The following COLQ variants were observed in gnomAD, a reference collection of about 807,000 sequenced individuals.
COLQ encodes the protein acetylcholinesterase collagenic tail peptide.
In COLQ, 48 loss-of-function variants were observed where a neutral mutation model predicts 69.0. The ratio of observed to expected loss-of-function variants is 0.70; its 90% CI spans 0.55 to 0.88. The LOEUF is 0.88. COLQ is among the 40% of genes least tolerant of loss of function. COLQ has a pLI of 0.00. For synonymous variants in COLQ, 217 were observed against 211.2 expected (o/e 1.03, Z -0.24); for missense variants, 618 against 594.6 (o/e 1.04, Z -0.41).
chr3:15,495,325 T>C (rs958768467), intron 1 of COLQ, among the ~76,000 whole-genome samples: 19 of 152,088 alleles, frequency 1.2e-4, no homozygotes, highest in African/African-American at 4.1e-4. Flanking sequence ...TGCTAAGTGA[T>C]GGAGGGGAGA....
In COLQ at chr3:15,521,633, A is replaced by T; in HGVS notation, c.-8T>A. 6.2e-7 allele frequency: 1 copy of T among 1,614,144 alleles called. No homozygotes were observed. The highest frequency in any genetic ancestry group is 8.5e-7 in the Non-Finnish European group (1 of 1,180,032). ...TGGATTCAGGACAACCATGCTGGCC[A>T]GGGTCTGGCGAGGGTCAAGTTAGAA... On this transcript the variant is annotated 5_prime_UTR_variant, in exon 1 of 17. Coordinates refer to ENST00000383788, the MANE Select transcript of COLQ (RefSeq NM_005677.4).
intron 3 of COLQ, among the ~76,000 whole-genome samples, chr3:15,482,289 G>C (rs561951764): frequency 5.9e-5 from 9 of 152,288 alleles, no homozygotes; most frequent in East Asian, 1.9e-4. Flanking sequence ...TCTTGTGCCA[G>C]TTTTCAAAGG....
chr3:15,494,084 C>T (rs2062710613), intron 1 of COLQ, among the ~76,000 whole-genome samples: 2 of 152,214 alleles, frequency 1.3e-5, no homozygotes, highest in Admixed American at 1.3e-4. Flanking sequence ...GGAATAGTGA[C>T]TGTTGGGGTC....
rs10589288 is a variant in COLQ, at chr3:15,452,068, ATTTT to A, written c.1299-359_1299-356del. ...GTAGTTACTGTGACTGAATAACTGC[ATTTT>A]TTTTTTTTTTTTGAGACAGAGTTTC... On this transcript the variant is annotated intron_variant, in intron 16 of 16. Coordinates refer to ENST00000383788, the MANE Select transcript of COLQ (RefSeq NM_005677.4). 9.1e-5 allele frequency among the ~76,000 whole-genome samples: 13 copies of A among 143,080 alleles called. 1 individual carries two copies. The highest frequency in any genetic ancestry group is 2.1e-4 in the East Asian group (1 of 4,824). 93.9% of individuals were successfully genotyped at this position (143,080 alleles called of 152,430 possible).
chr3:15,492,238 A>T (rs1035485210), intron 1 of COLQ, among the ~76,000 whole-genome samples: 1 of 152,190 alleles, frequency 6.6e-6, no homozygotes, highest in Non-Finnish European at 1.5e-5. Context: ...GCTACAAGGA[A>T]TGTGTCCACC....
chr3:15,454,962 A>G (rs997847188), intron 15 of COLQ, among the ~76,000 whole-genome samples: 6 of 151,906 alleles, frequency 3.9e-5, no homozygotes, highest in African/African-American at 1.2e-4. Flanking sequence ...CACTGTGCCC[A>G]GCCTCCCCTG....
chr3:15,459,426 C>T (rs13060973), intron 12 of COLQ, among the ~76,000 whole-genome samples: 65,447 of 151,156 alleles, frequency 0.43, 14,431 homozygotes, highest in East Asian at 0.61. Flanking sequence ...AGCATCCACA[C>T]TTTTATTTAT....
Position 15,480,603 on chromosome 3 carries a change from C to T in COLQ, c.322-1221G>A, listed in dbSNP as rs531887730. Among the ~76,000 whole-genome samples the T allele has an allele frequency of 1.2e-3, 184 of 152,272 alleles. 1 individual carries two copies. The highest frequency in any genetic ancestry group is 4.0e-3 in the African/African-American group (167 of 41,544). On this transcript the variant is annotated intron_variant, in intron 3 of 16. Coordinates refer to ENST00000383788, the MANE Select transcript of COLQ (RefSeq NM_005677.4). ...TCATTGATGGACATTTGGGTTGGTT[C>T]CAAGTCTTTGCTATTGTGAATAGTG...
At chr3:15,500,260 A>G (rs1334516690) in intron 1 of COLQ, among the ~76,000 whole-genome samples, 1 of 152,332 alleles carries the variant, frequency 6.6e-6, no homozygotes, top group East Asian at 1.9e-4. Flanking sequence ...AAGACCTCAG[A>G]GAAAGTAGCA....
chr3:15,518,752 C>T (rs374863199), intron 1 of COLQ, among the ~76,000 whole-genome samples: 7 of 152,188 alleles, frequency 4.6e-5, no homozygotes, highest in African/African-American at 9.7e-5. Context: ...ATTTACCACA[C>T]GCCACCTGTG....
intron 1 of COLQ, among the ~76,000 whole-genome samples, chr3:15,507,853 T>C (rs915276849): frequency 6.6e-6 from 1 of 152,200 alleles, no homozygotes; most frequent in Non-Finnish European, 1.5e-5. Context: ...TTTTTTTCAT[T>C]GGGTTGTCAA....
chr3:15,454,259 G>C (rs548519422), intron 15 of COLQ, among the ~76,000 whole-genome samples: 1 of 152,308 alleles, frequency 6.6e-6, no homozygotes, highest in Admixed American at 6.5e-5. Context: ...GGGGTCCCGG[G>C]AGTGAGGGTT....
At chr3:15,509,603 AG>A (rs146880572) in intron 1 of COLQ, among the ~76,000 whole-genome samples, 1 of 152,348 alleles carries the variant, frequency 6.6e-6, no homozygotes, top group African/African-American at 2.4e-5. Flanking sequence ...TGCCCCTCAA[AG>A]TACAACAGTA....
intron 5 of COLQ, 171 bp downstream of exon 5, chr3:15,478,806 A>T: frequency 1.3e-6 from 1 of 784,834 alleles, no homozygotes; most frequent in South Asian, 1.5e-5. Context: ...AAAGAAGTTG[A>T]CAGAAAGGGC....
intron 14 of COLQ, 57 bp from the exon 15 acceptor site, chr3:15,456,076 G>A (rs2062020480): frequency 1.2e-6 from 2 of 1,606,504 alleles, no homozygotes; most frequent in East Asian, 4.5e-5. Flanking sequence ...GCAGCCGCAG[G>A]CAGGGAGGTC....
At chr3:15,506,148 T>C (rs1471098799) in intron 1 of COLQ, among the ~76,000 whole-genome samples, 1 of 152,228 alleles carries the variant, frequency 6.6e-6, no homozygotes, top group Non-Finnish European at 1.5e-5. Context: ...CTAGCACTTA[T>C]CAACTGAGCA....
At chr3:15,500,646 TTC>T (rs1381670409) in intron 1 of COLQ, among the ~76,000 whole-genome samples, 1 of 152,196 alleles carries the variant, frequency 6.6e-6, no homozygotes, top group African/African-American at 2.4e-5. Context: ...CTTCTGCCTC[TTC>T]TCTGTGTTTC....
intron 12 of COLQ, 100 bp downstream of exon 12, chr3:15,466,241 C>G: frequency 1.2e-6 from 1 of 823,932 alleles, no homozygotes; most frequent in Non-Finnish European, 2.1e-6. Context: ...TAGTTTCTAA[C>G]TTGAAACACA....
chr3:15,481,911 C>T (rs1220443665), intron 3 of COLQ, among the ~76,000 whole-genome samples: 1 of 152,152 alleles, frequency 6.6e-6, no homozygotes, highest in African/African-American at 2.4e-5. Flanking sequence ...TTGCAGTTCT[C>T]CTTGAAGAGG....
Sources: allele counts gnomAD v4.1 joint callset (sites outside exome capture counted in the v4.1 genomes callset), GRCh38; gene constraint gnomAD v4.1.1; transcripts MANE v1.5; gene names NCBI Gene and HGNC (gene_info 2026-07-23, HGNC 2026-07-21).